Variants in FCHSD2 observed in about 807,000 individuals in gnomAD.
The protein encoded by FCHSD2 is F-BAR and double SH3 domains protein 2.
FCHSD2 carries 38 observed loss-of-function variants against 108.1 expected under a neutral mutation model. The observed-to-expected ratio is 0.35, with a 90% CI of 0.27 to 0.46. FCHSD2 has a LOEUF of 0.46. FCHSD2 is among the 20% of genes least tolerant of loss of function. The pLI is 1.00. For synonymous variants in FCHSD2, 279 were observed against 314.7 expected, an observed-to-expected ratio of 0.89 and a Z score of 1.20; for missense variants, 751 against 897.8, an observed-to-expected ratio of 0.84 and a Z score of 2.09.
At chr11:73,053,885 T>G (rs1468999164) in intron 3 of FCHSD2, among the ~76,000 whole-genome samples, 1 of 152,216 alleles carries the variant, frequency 6.6e-6, no homozygotes, top group Admixed American at 6.5e-5. Context: ...AAATTATAGA[T>G]TGAAATGTAA....
chr11:72,875,531 T>TGC (rs775764154), intron 12 of FCHSD2, among the ~76,000 whole-genome samples: 27 of 152,186 alleles, frequency 1.8e-4, no homozygotes, highest in Non-Finnish European at 1.9e-4. Context: ...GGTCTTGCTA[T>TGC]GCTGCCTGGT....
intron 2 of FCHSD2, among the ~76,000 whole-genome samples, chr11:73,104,892 C>G (rs1397908836): frequency 1.3e-5 from 2 of 152,050 alleles, no homozygotes; most frequent in African/African-American, 4.8e-5. Context: ...AGCTATAGTA[C>G]CAAATGGTGA....
At chr11:72,943,317 A>G (rs1383352247) in intron 8 of FCHSD2, among the ~76,000 whole-genome samples, 1 of 152,152 alleles carries the variant, frequency 6.6e-6, no homozygotes, top group Non-Finnish European at 1.5e-5. Flanking sequence ...TACTATCTAC[A>G]TTTAACACTT....
intron 14 of FCHSD2, among the ~76,000 whole-genome samples, chr11:72,843,952 G>A (rs1051863516): frequency 1.3e-5 from 2 of 151,768 alleles, no homozygotes; most frequent in South Asian, 4.2e-4. Context: ...AGGCTGCAGT[G>A]AGCCATGAGT....
At position 72,837,009 on chromosome 11, in the gene FCHSD2, T is replaced by C. The variant is rs561156974; in HGVS notation, c.*1782A>G. On this transcript the variant is annotated 3_prime_UTR_variant, in exon 20 of 20. Transcript: ENST00000409418. ...AAAGATTTCAAATAACCCTTTGAGG[T>C]TGTGGAAAACCCAAATTCAAGGACA... is the stretch of plus-strand genomic sequence containing the variant. 5.3e-5 allele frequency: 8 copies of C among 152,312 alleles called. No homozygotes were observed. Among genetic ancestry groups the C allele is most frequent in the African/African-American group, 1.9e-4 (8 of 41,524 alleles). 9.4% of individuals were successfully genotyped at this position (152,312 alleles called of 1,614,324 possible). A position where few individuals can be genotyped will look rare whatever the true frequency, so the allele number is the denominator to read the frequency against.
chr11:72,847,159 G>C (rs1040789892), intron 14 of FCHSD2, among the ~76,000 whole-genome samples: 1 of 152,110 alleles, frequency 6.6e-6, no homozygotes, highest in African/African-American at 2.4e-5. Flanking sequence ...ACCATGCTCA[G>C]CTAATTTTAA....
intron 4 of FCHSD2, among the ~76,000 whole-genome samples, chr11:73,006,449 T>C (rs1857742969): frequency 6.6e-6 from 1 of 152,226 alleles, no homozygotes; most frequent in Non-Finnish European, 1.5e-5. Context: ...CTCATTTGTC[T>C]ATCATATCTG....
At chr11:72,839,183 G>C (rs1478310624) in intron 19 of FCHSD2, among the ~76,000 whole-genome samples, 1 of 152,214 alleles carries the variant, frequency 6.6e-6, no homozygotes, top group Non-Finnish European at 1.5e-5. Context: ...GGAGAGCAAT[G>C]CTTAGAGAAA....
chr11:72,913,432 A>G (rs544180312), intron 9 of FCHSD2, among the ~76,000 whole-genome samples: 1 of 151,946 alleles, frequency 6.6e-6, no homozygotes, highest in Non-Finnish European at 1.5e-5. Context: ...CCACACTTGG[A>G]TAATTTTTGT....
Position 73,007,626 on chromosome 11 carries a change from AAG to A in FCHSD2, c.243-6494_243-6493del, listed in dbSNP as rs143255561. Among the ~76,000 whole-genome samples, 178 of 152,274 alleles carry A rather than the reference AAG, an allele frequency of 1.2e-3. 1 individual carries two copies. The highest frequency in any genetic ancestry group is 4.1e-3 in the African/African-American group (171 of 41,560). ...GAAAGAAAGGAAAGAAGAAAGAAAAAAGGGGGGAAAAAGAGAAAGGAAAAGAA... is the reference window on the plus strand; with the variant it reads ...GAAAGAAAGGAAAGAAGAAAGAAAAAGGGGGAAAAAGAGAAAGGAAAAGAA... On this transcript the variant is annotated intron_variant, in intron 4 of 19. Coordinates refer to ENST00000409418, the MANE Select transcript of FCHSD2 (RefSeq NM_014824.3).
intron 3 of FCHSD2, among the ~76,000 whole-genome samples, chr11:73,027,565 G>A (rs557858658): frequency 6.6e-6 from 1 of 152,180 alleles, no homozygotes; most frequent in African/African-American, 2.4e-5. Flanking sequence ...CTGACCATGA[G>A]GTAGAAAAGA....
intron 2 of FCHSD2, among the ~76,000 whole-genome samples, chr11:73,089,225 T>C (rs1165038756): frequency 6.6e-6 from 1 of 152,178 alleles, no homozygotes; most frequent in East Asian, 1.9e-4. Flanking sequence ...AAATTCTGAA[T>C]CAATGTCTCA....
chr11:73,059,699 A>G (rs1438719278), intron 3 of FCHSD2, among the ~76,000 whole-genome samples: 1 of 151,974 alleles, frequency 6.6e-6, no homozygotes. Flanking sequence ...TTTACTAAAA[A>G]TTTTCTGTGA....
At chr11:73,095,359 A>G (rs1206675404) in intron 2 of FCHSD2, among the ~76,000 whole-genome samples, 16 of 152,242 alleles carry the variant, frequency 1.1e-4, no homozygotes, top group Admixed American at 9.8e-4. Context: ...GCTTATAAAT[A>G]TGAAATCTAA....
At chr11:72,876,454 A>G (rs963962596) in intron 12 of FCHSD2, among the ~76,000 whole-genome samples, 1 of 152,254 alleles carries the variant, frequency 6.6e-6, no homozygotes, top group Non-Finnish European at 1.5e-5. Context: ...GTGTTTGAAC[A>G]ACATAATCTC....
intron 9 of FCHSD2, among the ~76,000 whole-genome samples, chr11:72,908,671 CTTATTTTTATCA>C (rs1855685038): frequency 6.6e-6 from 1 of 152,142 alleles, no homozygotes; most frequent in Admixed American, 6.5e-5. Flanking sequence ...CTGTCTGCCA[CTTATTTTTATCA>C]TTATTTTTTG....
chr11:73,136,828 A>C (rs1006638720), intron 2 of FCHSD2, among the ~76,000 whole-genome samples: 3 of 152,208 alleles, frequency 2.0e-5, no homozygotes, highest in Admixed American at 6.5e-5. Flanking sequence ...TCAGGAGTTC[A>C]AAAGCAGCCT....
chr11:72,916,251 A>G (rs2135302494), intron 9 of FCHSD2, among the ~76,000 whole-genome samples: 1 of 151,962 alleles, frequency 6.6e-6, no homozygotes, highest in Admixed American at 6.5e-5. Context: ...AATTTTGTTA[A>G]TCTTTTCAAA....
chr11:73,095,366 C>G (rs945228216), intron 2 of FCHSD2, among the ~76,000 whole-genome samples: 5 of 152,254 alleles, frequency 3.3e-5, no homozygotes, highest in Non-Finnish European at 5.9e-5. Context: ...AATATGAAAT[C>G]TAATTCAGTT....
Sources: allele counts gnomAD v4.1 joint callset (sites outside exome capture counted in the v4.1 genomes callset), GRCh38; gene constraint gnomAD v4.1.1; transcripts MANE v1.5; gene names NCBI Gene and HGNC (gene_info 2026-07-23, HGNC 2026-07-21).